PDE6D: variants seen among roughly 807,000 people sequenced by gnomAD.
PDE6D encodes the protein retinal rod rhodopsin-sensitive cGMP 3',5'-cyclic phosphodiesterase subunit delta.
Under a neutral mutation model 21.9 loss-of-function variants are expected in PDE6D, and 10 were observed. The observed-to-expected ratio is 0.46, with a 90% confidence interval of 0.28 to 0.78. PDE6D has a LOEUF of 0.78. PDE6D is among the 30% of genes least tolerant of loss of function. The probability of loss-of-function intolerance (pLI) is 0.12; values close to 1 mark genes in which losing one functional copy is unlikely to be tolerated. For missense variants in PDE6D, 139 were observed against 184.8 expected (o/e 0.75, Z 1.44); for synonymous variants, 59 against 63.5 (o/e 0.93, Z 0.34).
chr2:231,750,917 A>G (rs2048834760), intron 1 of PDE6D, among the ~76,000 whole-genome samples: 1 of 152,042 alleles, frequency 6.6e-6, no homozygotes, highest in Admixed American at 6.6e-5. Context: ...GGTTCCTTCT[A>G]GTTAGAACCA....
At chr2:231,751,400 G>C (rs1273898948) in intron 1 of PDE6D, among the ~76,000 whole-genome samples, 1 of 152,148 alleles carries the variant, frequency 6.6e-6, no homozygotes, top group Non-Finnish European at 1.5e-5. Context: ...TCCCACCTTG[G>C]CTTCCCAAAG....
At chr2:231,773,088 G>A (rs957605444) in intron 1 of PDE6D, among the ~76,000 whole-genome samples, 3 of 152,044 alleles carry the variant, frequency 2.0e-5, no homozygotes, top group Admixed American at 6.6e-5. Context: ...GAAAAAATAC[G>A]AAAATTAGCT....
intron 1 of PDE6D, among the ~76,000 whole-genome samples, chr2:231,744,732 C>A (rs976674883): frequency 7.2e-5 from 11 of 152,090 alleles, no homozygotes; most frequent in African/African-American, 2.7e-4. Context: ...CCGTGCCCGG[C>A]CCTAATTGCT....
chr2:231,778,450 TAACA>T (rs2049074189), intron 1 of PDE6D, among the ~76,000 whole-genome samples: 2 of 151,570 alleles, frequency 1.3e-5, no homozygotes, highest in Non-Finnish European at 2.9e-5. Context: ...AAAACAAAAT[TAACA>T]AACAATTTAC....
At position 231,781,252 on chromosome 2, in the gene PDE6D, CCTCT is replaced by C. The variant is rs1215083338; in HGVS notation, c.-142_-139del. 2.8e-6 allele frequency: 2 copies of C among 723,674 alleles called. No individual in the cohort carries two copies. The highest frequency in any genetic ancestry group is 3.6e-5 in the African/African-American group (2 of 55,406). The allele number at this position is 723,674 out of a possible 1,614,324, so 44.8% of individuals were successfully genotyped here. ...GCCGCAGCGGCCAGACCAGGACCGG[CCTCT>C]CTCTCCCCTCAGCTCCCGCTTCTGA... On this transcript the variant is annotated 5_prime_UTR_variant, in exon 1 of 5. Transcript: ENST00000287600.
rs543171263 is a variant in PDE6D, at chr2:231,753,331, G to A, written c.51-14143C>T. Among the ~76,000 whole-genome samples, 18 of 150,738 alleles carry A rather than the reference G, an allele frequency of 1.2e-4. No individual in the cohort carries two copies. In the East Asian group the frequency reaches 3.6e-3, roughly 30 times the overall value. On this transcript the variant is annotated intron_variant, in intron 1 of 4. Coordinates refer to ENST00000287600, the MANE Select transcript of PDE6D (RefSeq NM_002601.4). ...GAGGTCAGGAGATCAAGACCATCCT[G>A]GCTAACACAGTGAAACCCCGTCTGT...
rs989220685 is a variant in PDE6D, at chr2:231,781,256, T to C, written c.-142A>G. 1.1e-5 allele frequency: 8 copies of C among 705,006 alleles called. No homozygotes were observed. Among genetic ancestry groups the C allele is most frequent in the Non-Finnish European group, 2.0e-5 (8 of 406,588 alleles). 43.7% of individuals were successfully genotyped at this position (705,006 alleles called of 1,614,324 possible). The stretch of plus-strand genomic sequence containing the variant: ...CAGCGGCCAGACCAGGACCGGCCTC[T>C]CTCTCCCCTCAGCTCCCGCTTCTGA... On this transcript the variant is annotated 5_prime_UTR_variant, in exon 1 of 5. Coordinates refer to ENST00000287600, the MANE Select transcript of PDE6D (RefSeq NM_002601.4).
chr2:231,741,833 T>C (rs1191356926), intron 1 of PDE6D, among the ~76,000 whole-genome samples: 2 of 152,214 alleles, frequency 1.3e-5, no homozygotes, highest in Admixed American at 6.5e-5. Flanking sequence ...TGAAAGCACA[T>C]GCTAACACCC....
chr2:231,766,539 C>A (rs987796797), intron 1 of PDE6D, among the ~76,000 whole-genome samples: 2 of 152,202 alleles, frequency 1.3e-5, no homozygotes, highest in Non-Finnish European at 2.9e-5. Context: ...AGGGCATGTT[C>A]CCAAAAGGGC....
At chr2:231,771,654 C>T (rs953477358) in intron 1 of PDE6D, among the ~76,000 whole-genome samples, 1 of 152,146 alleles carries the variant, frequency 6.6e-6, no homozygotes, top group African/African-American at 2.4e-5. Context: ...GCAATAATTG[C>T]TCTCCTTGAC....
At chr2:231,777,728 G>C (rs960841635) in intron 1 of PDE6D, among the ~76,000 whole-genome samples, 5 of 152,076 alleles carry the variant, frequency 3.3e-5, no homozygotes, top group Non-Finnish European at 7.4e-5. Context: ...ATATGACAAG[G>C]ATGGCATTTC....
intron 1 of PDE6D, among the ~76,000 whole-genome samples, chr2:231,752,684 G>T (rs1430483062): frequency 6.6e-6 from 1 of 151,852 alleles, no homozygotes; most frequent in Non-Finnish European, 1.5e-5. Flanking sequence ...GCAATCTTTT[G>T]TGCTGCTCAT....
At chr2:231,779,589 G>C (rs1163205946) in intron 1 of PDE6D, 1 of 152,188 alleles carries the variant, frequency 6.6e-6, no homozygotes, top group Non-Finnish European at 1.5e-5. Context: ...CCATGTCATA[G>C]CTTTTCCAGC....
rs895659588 is a variant in PDE6D at position 231,764,328 on chromosome 2, T to C, written c.50+16737A>G. 3.9e-5 allele frequency among the ~76,000 whole-genome samples: 6 copies of C among 152,134 alleles called. No homozygotes were observed. The East Asian group carries it at 7.7e-4, about 20-fold the overall frequency. Reference sequence around the variant, plus strand: ...GCTACTTGGGAGGCTGAGGGCAAGATTGCACCACTGCACTACAGCCTGGGC... The same window carrying C: ...GCTACTTGGGAGGCTGAGGGCAAGACTGCACCACTGCACTACAGCCTGGGC... On this transcript the variant is annotated intron_variant, in intron 1 of 4. Coordinates refer to ENST00000287600, the MANE Select transcript of PDE6D (RefSeq NM_002601.4).
intron 1 of PDE6D, among the ~76,000 whole-genome samples, chr2:231,772,726 T>C (rs961819109): frequency 2.0e-5 from 3 of 152,142 alleles, no homozygotes; most frequent in African/African-American, 7.2e-5. Flanking sequence ...CTCAGAACCA[T>C]TGCTAGTCCT....
chr2:231,746,211 G>A (rs932354253), intron 1 of PDE6D, among the ~76,000 whole-genome samples: 6 of 151,906 alleles, frequency 3.9e-5, no homozygotes, highest in South Asian at 4.1e-4. Flanking sequence ...GTGCAATCTC[G>A]GCTCACTGCA....
At chr2:231,755,458 C>T (rs918662704) in intron 1 of PDE6D, among the ~76,000 whole-genome samples, 1 of 152,144 alleles carries the variant, frequency 6.6e-6, no homozygotes, top group African/African-American at 2.4e-5. Context: ...AAGTGATTCA[C>T]GCCGAGCCTG....
intron 1 of PDE6D, among the ~76,000 whole-genome samples, chr2:231,756,705 G>T (rs1197374444): frequency 1.3e-5 from 2 of 149,358 alleles, no homozygotes; most frequent in African/African-American, 5.0e-5. Context: ...CTCCCAAAGT[G>T]TTGAGATTAT....
chr2:231,765,228 T>A (rs765700207), intron 1 of PDE6D, among the ~76,000 whole-genome samples: 137 of 152,014 alleles, frequency 9.0e-4, no homozygotes, highest in Non-Finnish European at 1.7e-3. Context: ...AGCCAGGATC[T>A]TACCACTGCA....
Sources: allele counts gnomAD v4.1 joint callset (sites outside exome capture counted in the v4.1 genomes callset), GRCh38; gene constraint gnomAD v4.1.1; transcripts MANE v1.5; gene names NCBI Gene and HGNC (gene_info 2026-07-23, HGNC 2026-07-21).